The following TRAF3 variants were observed in gnomAD, a reference collection of about 807,000 sequenced individuals.
TRAF3 encodes the protein TNF receptor associated factor 3, also known as TNF receptor-associated factor 3.
Under a neutral mutation model 62.3 loss-of-function variants are expected in TRAF3, and 13 were observed. The observed-to-expected ratio is 0.21, with a 90% CI of 0.14 to 0.33. TRAF3 has a LOEUF of 0.33. Among genes scored for constraint, TRAF3 ranks in the 10% least tolerant of loss-of-function variants. TRAF3 has a pLI of 1.00. For missense variants in TRAF3, 440 were observed against 741.8 expected (o/e 0.59, Z 4.73); for synonymous variants, 269 against 283.4 (o/e 0.95, Z 0.51).
At chr14:102,819,828 CAGTG>C (rs1452131227) in intron 1 of TRAF3, among the ~76,000 whole-genome samples, 1 of 152,250 alleles carries the variant, frequency 6.6e-6, no homozygotes, top group Non-Finnish European at 1.5e-5. Context: ...CTAAGTGGGA[CAGTG>C]AGACTATGAA....
At chr14:102,795,598 A>ATGTGTGTGTG (rs58263343) in intron 1 of TRAF3, among the ~76,000 whole-genome samples, 29,404 of 149,064 alleles carry the variant, frequency 0.2, 3,206 homozygotes, top group East Asian at 0.31. Flanking sequence ...ATATGTATAT[A>ATGTGTGTGTG]TGTGTGTGTG....
chr14:102,903,959 G>T lies in TRAF3; in HGVS notation c.1135+530G>T. ...AACACAGATTACCGGTGTGTGTGTGGGGCCGGATGAAGCAGGCAGAGAATG... is the reference window on the plus strand; with the variant it reads ...AACACAGATTACCGGTGTGTGTGTGTGGCCGGATGAAGCAGGCAGAGAATG... On this transcript the variant is annotated intron_variant, in intron 11 of 11. Coordinates refer to ENST00000392745, the MANE Select transcript of TRAF3 (RefSeq NM_145725.3). The surrounding 1 kb of genome is among the most constrained non-coding windows in gnomAD (Gnocchi z 6.4). 2.7e-6 allele frequency: 1 copy of T among 372,324 alleles called. No homozygotes were observed. Among genetic ancestry groups the T allele is most frequent in the Non-Finnish European group, 5.4e-6 (1 of 184,968 alleles). 23.1% of individuals were successfully genotyped at this position (372,324 alleles called of 1,614,324 possible).
At chr14:102,780,493 G>A (rs1897230502) in intron 1 of TRAF3, among the ~76,000 whole-genome samples, 1 of 151,762 alleles carries the variant, frequency 6.6e-6, no homozygotes, top group Admixed American at 6.6e-5. Flanking sequence ...GGAGAAGGCA[G>A]AGTTTTTTAC....
At chr14:102,869,750 G>T (rs1888218461) in intron 2 of TRAF3, among the ~76,000 whole-genome samples, 1 of 151,314 alleles carries the variant, frequency 6.6e-6, no homozygotes, top group African/African-American at 2.4e-5. Context: ...AGCTTGCAGT[G>T]AGCCAAGATG....
chr14:102,891,363 C>T lies in TRAF3; in HGVS notation c.765C>T (p.Ser255=), dbSNP rs779058785. 1.5e-5 allele frequency: 24 copies of T among 1,613,348 alleles called. No individual in the cohort carries two copies. The Admixed American group carries it at 1.8e-4, about 12-fold the overall frequency. The change falls in exon 9 of 12, where the codon TCC becomes TCT. Residue 255 remains serine, a synonymous_variant. Transcript: ENST00000392745. The part of the protein sequence containing the change: ...NQQIKAHEAS[S]AVQHVNLLKE... The stretch of plus-strand genomic sequence containing the variant: ...AGATCAAGGCCCACGAGGCCAGCTC[C>T]GCCGTGCAGCACGTCAACCTGCTGA...
At chr14:102,893,312 C>T (rs1889826982) in intron 9 of TRAF3, among the ~76,000 whole-genome samples, 1 of 151,636 alleles carries the variant, frequency 6.6e-6, no homozygotes, top group Non-Finnish European at 1.5e-5. Flanking sequence ...GTTGCTTGAA[C>T]CCGAGAGGTG....
chr14:102,884,070 A>T (rs931851698), intron 6 of TRAF3, among the ~76,000 whole-genome samples: 3 of 152,228 alleles, frequency 2.0e-5, no homozygotes, highest in Non-Finnish European at 4.4e-5. Context: ...GCTTGCAAAA[A>T]ACAAATTTAT....
At chr14:102,781,652 G>C (rs1406731856) in intron 1 of TRAF3, among the ~76,000 whole-genome samples, 1 of 151,740 alleles carries the variant, frequency 6.6e-6, no homozygotes. Context: ...TTTGAAACAG[G>C]GGCTCACTCT....
chr14:102,783,445 A>G (rs1200582048), intron 1 of TRAF3, among the ~76,000 whole-genome samples: 1 of 152,226 alleles, frequency 6.6e-6, no homozygotes, highest in Non-Finnish European at 1.5e-5. Context: ...CCCAGAAATT[A>G]TAACTTTATG....
chr14:102,905,784 A>G lies in TRAF3; in HGVS notation c.1707A>G (p.Ter569TrpextTer1). 6.2e-7 allele frequency: 1 copy of G among 1,612,946 alleles called. No individual in the cohort carries two copies. Among genetic ancestry groups the G allele is most frequent in the Non-Finnish European group, 8.5e-7 (1 of 1,179,328 alleles). Residue 569 changes from the stop codon to tryptophan (W), a stop_lost, in exon 12 of 12, where the codon TGA (stop) becomes TGG (tryptophan). Coordinates refer to ENST00000392745, the MANE Select transcript of TRAF3 (RefSeq NM_145725.3). The part of the protein sequence containing the change: ...IVDTSDLPDP[*>W] ...ATACTTCGGATCTGCCCGATCCCTG[A>G]TAAGTAGCTGGGGAGGTGGATTTAG...
At chr14:102,791,295 A>G (rs1329116923) in intron 1 of TRAF3, among the ~76,000 whole-genome samples, 1 of 152,144 alleles carries the variant, frequency 6.6e-6, no homozygotes, top group Non-Finnish European at 1.5e-5. Context: ...CTGGGATTAC[A>G]GGTATGAGCC....
At chr14:102,905,184 A>G in intron 11 of TRAF3, 29 bp from the exon 12 acceptor site, 3 of 1,608,666 alleles carry the variant, frequency 1.9e-6, no homozygotes, top group Non-Finnish European at 1.7e-6. Context: ...CACCTGTCTC[A>G]TTCACCAAAC....
At chr14:102,815,028 A>G (rs1391768331) in intron 1 of TRAF3, among the ~76,000 whole-genome samples, 3 of 152,086 alleles carry the variant, frequency 2.0e-5, no homozygotes, top group Non-Finnish European at 4.4e-5. Context: ...CTCGACCTCT[A>G]GAGCTCAAGG....
At chr14:102,900,671 C>G (rs1319617047) in intron 10 of TRAF3, among the ~76,000 whole-genome samples, 1 of 152,052 alleles carries the variant, frequency 6.6e-6, no homozygotes, top group African/African-American at 2.4e-5. Flanking sequence ...CTCAGGCTGC[C>G]GGCACCACCG....
rs74082935 is a variant in TRAF3, at chr14:102,869,914, A to G, written c.-17-271A>G. Among the ~76,000 whole-genome samples, 1,068 of 152,168 alleles carry G rather than the reference A, an allele frequency of 7.0e-3. 16 individuals carry two copies. The highest frequency in any genetic ancestry group is 0.024 in the African/African-American group (1,011 of 41,534). On this transcript the variant is annotated intron_variant, in intron 2 of 11. Coordinates refer to ENST00000392745, the MANE Select transcript of TRAF3 (RefSeq NM_145725.3). The stretch of plus-strand genomic sequence containing the variant: ...CAACCTTCAACTCCTGGGCTCAGCA[A>G]TCTTTCCACCTCATCCCAATTTATT...
intron 1 of TRAF3, among the ~76,000 whole-genome samples, chr14:102,796,352 A>G (rs1282101691): frequency 6.6e-6 from 1 of 152,194 alleles, no homozygotes; most frequent in South Asian, 2.1e-4. Flanking sequence ...GCGTCCCTTC[A>G]TCTGTGTCTT....
chr14:102,789,251 C>G (rs1566737102), intron 1 of TRAF3, among the ~76,000 whole-genome samples: 2 of 152,198 alleles, frequency 1.3e-5, no homozygotes, highest in East Asian at 3.8e-4. Context: ...ATGCCACAAT[C>G]TGTCTATTCA....
At chr14:102,850,965 G>C (rs1887004774) in intron 2 of TRAF3, among the ~76,000 whole-genome samples, 1 of 152,162 alleles carries the variant, frequency 6.6e-6, no homozygotes, top group Non-Finnish European at 1.5e-5. Flanking sequence ...TAAATAGGCA[G>C]TGGCCTCAGA....
intron 4 of TRAF3, among the ~76,000 whole-genome samples, chr14:102,872,942 T>C (rs1219138004): frequency 6.6e-6 from 1 of 152,126 alleles, no homozygotes; most frequent in Non-Finnish European, 1.5e-5. Flanking sequence ...TCCACCTGCC[T>C]CGGCCTCCCA....
Sources: gnomAD v4.1 joint callset for allele counts (sites outside exome capture counted in the v4.1 genomes callset) on GRCh38, gnomAD v4.1.1 for gene constraint, Gnocchi (gnomAD v3.1) non-coding constraint, MANE v1.5 for transcripts, NCBI Gene and HGNC (gene_info 2026-07-23, HGNC 2026-07-21) for gene names.